The following CEP112 variants were observed in gnomAD, a reference collection of about 807,000 sequenced individuals.
CEP112 encodes the protein centrosomal protein of 112 kDa.
CEP112 carries 127 observed loss-of-function variants against 153.0 expected under a neutral mutation model. The observed-to-expected ratio is 0.83, with a 90% CI of 0.72 to 0.96. The LOEUF (loss-of-function observed/expected upper bound fraction) is 0.96, where lower values mean the gene tolerates loss of function less well. Ranked by LOEUF, CEP112 falls within the 40% of genes least tolerant of loss-of-function variation. CEP112 has a pLI of 0.00. For synonymous variants in CEP112, 358 were observed against 374.4 expected (o/e 0.96, Z 0.51); for missense variants, 1,089 against 1,101.2 (o/e 0.99, Z 0.16).
rs79120905 is a variant in CEP112, at chr17:65,717,697, C to A, written c.2607+25371G>T. Among the ~76,000 whole-genome samples, 35 of 152,292 alleles carry A rather than the reference C, an allele frequency of 2.3e-4. No homozygotes were observed. In the East Asian group the frequency reaches 6.8e-3, roughly 29 times the overall value. On this transcript the variant is annotated intron_variant, in intron 23 of 26. Transcript: ENST00000535342. The stretch of plus-strand genomic sequence containing the variant: ...GTTTTTCTTCTCAAACCCTGTATCC[C>A]AAACTCTCACAGCTTTTGAGTTTTA...
At chr17:65,870,658 G>A (rs890190037) in intron 20 of CEP112, among the ~76,000 whole-genome samples, 1 of 152,066 alleles carries the variant, frequency 6.6e-6, no homozygotes, top group African/African-American at 2.4e-5. Flanking sequence ...GTATTAAAAA[G>A]CCAATACAGG....
At chr17:65,686,881 T>C (rs1281425590) in intron 24 of CEP112, among the ~76,000 whole-genome samples, 1 of 151,796 alleles carries the variant, frequency 6.6e-6, no homozygotes, top group Non-Finnish European at 1.5e-5. Flanking sequence ...TTTTATTTGC[T>C]AGATATGTAA....
At chr17:65,952,854 C>A (rs1346687500) in intron 18 of CEP112, among the ~76,000 whole-genome samples, 1 of 152,064 alleles carries the variant, frequency 6.6e-6, no homozygotes, top group Non-Finnish European at 1.5e-5. Flanking sequence ...ATTTGCATTT[C>A]CTTGATGAAT....
At chr17:65,852,315 CTT>C in intron 20 of CEP112, among the ~76,000 whole-genome samples, 1 of 65,828 alleles carries the variant, frequency 1.5e-5, no homozygotes, top group African/African-American at 6.8e-5. Context: ...CTTCCCTTCC[CTT>C]TCCTTCCCTT....
At chr17:65,939,388 G>A (rs942575722) in intron 18 of CEP112, among the ~76,000 whole-genome samples, 3 of 151,978 alleles carry the variant, frequency 2.0e-5, no homozygotes, top group Admixed American at 6.6e-5. Context: ...AAACCAATCC[G>A]AAAATTGGTA....
intron 17 of CEP112, among the ~76,000 whole-genome samples, chr17:65,984,479 C>T (rs1200103038): frequency 1.3e-5 from 2 of 152,156 alleles, no homozygotes; most frequent in Non-Finnish European, 2.9e-5. Context: ...ACTCAACCTG[C>T]AGCCCAGGAA....
chr17:66,148,583 G>A (rs998376507), intron 4 of CEP112, among the ~76,000 whole-genome samples: 2 of 152,006 alleles, frequency 1.3e-5, no homozygotes, highest in African/African-American at 4.8e-5. Flanking sequence ...CCTTAGTTAG[G>A]CTTATTCCTA....
intron 17 of CEP112, among the ~76,000 whole-genome samples, chr17:65,982,859 C>T (rs1033896331): frequency 4.6e-5 from 7 of 152,160 alleles, no homozygotes; most frequent in African/African-American, 1.4e-4. Context: ...TATATACACA[C>T]AATGGAATAT....
intron 21 of CEP112, among the ~76,000 whole-genome samples, chr17:65,802,359 C>T (rs759222555): frequency 4.3e-4 from 66 of 152,260 alleles, no homozygotes; most frequent in Non-Finnish European, 8.4e-4. Context: ...CAATATCATA[C>T]ACATCTAGGT....
At chr17:65,891,364 GAC>G (rs2059459334) in intron 20 of CEP112, among the ~76,000 whole-genome samples, 1 of 152,126 alleles carries the variant, frequency 6.6e-6, no homozygotes, top group African/African-American at 2.4e-5. Context: ...CTCGCTGTCT[GAC>G]ACACTTCCCT....
At chr17:66,071,420 AAGCCAAAAAAC>A (rs1442708349) in intron 8 of CEP112, among the ~76,000 whole-genome samples, 1 of 152,130 alleles carries the variant, frequency 6.6e-6, no homozygotes, top group African/African-American at 2.4e-5. Flanking sequence ...AAGGGAACTA[AAGCCAAAAAAC>A]AGTATGACAA....
intron 17 of CEP112, among the ~76,000 whole-genome samples, chr17:65,987,759 A>G (rs765613760): frequency 6.6e-6 from 1 of 152,168 alleles, no homozygotes; most frequent in Non-Finnish European, 1.5e-5. Context: ...TAGGAGAACC[A>G]CACTTCCATG....
At chr17:65,746,184 A>AG (rs1555638017) in intron 22 of CEP112, among the ~76,000 whole-genome samples, 9 of 150,482 alleles carry the variant, frequency 6.0e-5, no homozygotes, top group Non-Finnish European at 1.2e-4. Context: ...AAAAAAAAAA[A>AG]AAAAGAAAAG....
intron 5 of CEP112, among the ~76,000 whole-genome samples, chr17:66,132,190 A>G (rs551176117): frequency 2.5e-3 from 342 of 135,710 alleles, no homozygotes; most frequent in South Asian, 4.0e-3. Flanking sequence ...AAAAAAAAAA[A>G]AAAAAAAAAA....
At chr17:65,664,740 C>T (rs745650228) in intron 24 of CEP112, among the ~76,000 whole-genome samples, 16 of 152,230 alleles carry the variant, frequency 1.1e-4, no homozygotes, top group Non-Finnish European at 2.4e-4. Context: ...AAGGACACAG[C>T]ATCCCCACTG....
At chr17:66,117,469 T>C (rs1294330827) in intron 6 of CEP112, among the ~76,000 whole-genome samples, 3 of 152,028 alleles carry the variant, frequency 2.0e-5, no homozygotes, top group Admixed American at 6.5e-5. Context: ...AACAGCAGAA[T>C]ATATTAACTT....
At chr17:66,089,226 A>G (rs1371093508) in intron 8 of CEP112, among the ~76,000 whole-genome samples, 1 of 152,224 alleles carries the variant, frequency 6.6e-6, no homozygotes, top group East Asian at 1.9e-4. Context: ...TACAAAGACT[A>G]TAATAATTTC....
At chr17:66,011,609 T>A (rs1012460136) in intron 16 of CEP112, among the ~76,000 whole-genome samples, 1 of 152,132 alleles carries the variant, frequency 6.6e-6, no homozygotes, top group Non-Finnish European at 1.5e-5. Flanking sequence ...GCTTTTTTTA[T>A]TTGCTGAGGA....
At chr17:66,117,580 G>T (rs529132257) in intron 6 of CEP112, among the ~76,000 whole-genome samples, 5 of 152,280 alleles carry the variant, frequency 3.3e-5, no homozygotes, top group Non-Finnish European at 5.9e-5. Context: ...AGTTCTGTTG[G>T]TGAAACACTC....
Sources: gnomAD v4.1 joint callset for allele counts (sites outside exome capture counted in the v4.1 genomes callset) on GRCh38, gnomAD v4.1.1 for gene constraint, MANE v1.5 for transcripts, NCBI Gene and HGNC (gene_info 2026-07-23, HGNC 2026-07-21) for gene names.